Variants in RFTN1 observed in about 807,000 individuals in gnomAD.
RFTN1 encodes the protein raftlin, lipid raft linker 1.
RFTN1 carries 26 observed loss-of-function variants against 46.5 expected under a neutral mutation model. That is an observed-to-expected ratio of 0.56 (90% confidence interval 0.41 to 0.78). RFTN1 has a LOEUF of 0.78. RFTN1 is among the 30% of genes least tolerant of loss of function. The pLI is 0.00. For synonymous variants in RFTN1, 261 were observed against 284.2 expected (o/e 0.92, Z 0.82); for missense variants, 693 against 718.7 (o/e 0.96, Z 0.41).
intron 2 of RFTN1, among the ~76,000 whole-genome samples, chr3:16,454,125 A>G (rs1203970653): frequency 6.6e-6 from 1 of 152,212 alleles, no homozygotes; most frequent in Non-Finnish European, 1.5e-5. Context: ...AGGTCTCCTT[A>G]GTCACCTTCT....
intron 2 of RFTN1, among the ~76,000 whole-genome samples, chr3:16,470,326 A>G (rs915211367): frequency 2.0e-5 from 3 of 152,226 alleles, no homozygotes; most frequent in African/African-American, 2.4e-5. Context: ...AGGCAGGCAG[A>G]TACTGGAGGG....
chr3:16,403,143 A>G (rs2074646385), intron 4 of RFTN1, among the ~76,000 whole-genome samples: 1 of 152,128 alleles, frequency 6.6e-6, no homozygotes, highest in Non-Finnish European at 1.5e-5. Context: ...CATGTACCCA[A>G]CACGCGTTAT....
At position 16,373,329 on chromosome 3, in the gene RFTN1, T is replaced by C. The variant is rs373629960; in HGVS notation, c.827-3050A>G. Among the ~76,000 whole-genome samples the C allele has an allele frequency of 2.6e-5, 4 of 152,334 alleles. No homozygotes were observed. The East Asian group carries it at 5.8e-4, about 22-fold the overall frequency. ...CTTGCCTCATTTAGATCCCTCCTGT[T>C]ACACGTGTTCACCGTATTGACCTAA... On this transcript the variant is annotated intron_variant, in intron 5 of 9. Coordinates refer to ENST00000334133, the MANE Select transcript of RFTN1 (RefSeq NM_015150.2).
chr3:16,493,075 G>A (rs1034625692), intron 2 of RFTN1, among the ~76,000 whole-genome samples: 2 of 152,224 alleles, frequency 1.3e-5, no homozygotes, highest in African/African-American at 4.8e-5. Context: ...TTTGGGTGGA[G>A]AGGAAGTTTC....
chr3:16,493,596 A>C, intron 2 of RFTN1, 129 bp downstream of exon 2: 3 of 840,138 alleles, frequency 3.6e-6, no homozygotes, highest in African/African-American at 3.4e-5. Flanking sequence ...CGCCCCCTTG[A>C]GACAGGCCTG....
chr3:16,402,823 G>A lies in RFTN1; in HGVS notation c.441+6552C>T, dbSNP rs1303247708. ...TAATCCAGGACAGTACACTCATTGA[G>A]TGGGACCAGCCGCCCCTCAACGGTC... On this transcript the variant is annotated intron_variant, in intron 4 of 9. Transcript: ENST00000334133. This position sits in a 1 kb window ranked among gnomAD's most constrained non-coding sequence, Gnocchi z 4.5. 6.6e-6 allele frequency among the ~76,000 whole-genome samples: 1 copy of A among 152,150 alleles called. No homozygotes were observed. Among genetic ancestry groups the A allele is most frequent in the East Asian group, 1.9e-4 (1 of 5,188 alleles).
Position 16,316,754 on chromosome 3 carries a change from G to A in RFTN1, c.*74C>T. 1 of 1,573,062 alleles carries A rather than the reference G, an allele frequency of 6.4e-7. No individual in the cohort carries two copies. Among genetic ancestry groups the A allele is most frequent in the South Asian group, 1.1e-5 (1 of 89,506 alleles). On this transcript the variant is annotated 3_prime_UTR_variant, in exon 10 of 10. Coordinates refer to ENST00000334133, the MANE Select transcript of RFTN1 (RefSeq NM_015150.2). The surrounding 1 kb of genome is among the most constrained non-coding windows in gnomAD (Gnocchi z 4.5). ...GTAACACACAACACCAGGGAAACCAGCCCCCAAACCAGCTGTTGGTAAGAT... is the reference window on the plus strand; with the variant it reads ...GTAACACACAACACCAGGGAAACCAACCCCCAAACCAGCTGTTGGTAAGAT...
At chr3:16,375,164 A>C (rs1342140503) in intron 5 of RFTN1, among the ~76,000 whole-genome samples, 1 of 152,086 alleles carries the variant, frequency 6.6e-6, no homozygotes, top group Non-Finnish European at 1.5e-5. Context: ...CTCTGAGAGA[A>C]GGCAAGCTGG....
chr3:16,415,915 A>T (rs2075070142), intron 3 of RFTN1, among the ~76,000 whole-genome samples: 1 of 152,206 alleles, frequency 6.6e-6, no homozygotes, highest in Admixed American at 6.5e-5. Context: ...TTATCTGTTT[A>T]TATGATTATC....
At chr3:16,369,076 C>G (rs532182818) in intron 6 of RFTN1, among the ~76,000 whole-genome samples, 1 of 152,204 alleles carries the variant, frequency 6.6e-6, no homozygotes. Context: ...GATAGAGACT[C>G]GCATCCAAAA....
chr3:16,357,108 C>T (rs2072486139), intron 7 of RFTN1, among the ~76,000 whole-genome samples: 1 of 103,214 alleles, frequency 9.7e-6, no homozygotes, highest in Non-Finnish European at 2.1e-5. Flanking sequence ...GAGCAAGATG[C>T]CATCTCAAAA....
chr3:16,435,799 T>C lies in RFTN1; in HGVS notation c.146-1762A>G, dbSNP rs556981880. On this transcript the variant is annotated intron_variant, in intron 2 of 9. Transcript: ENST00000334133. ...ACAAAATAAATTCCTAGATGTGGAA[T>C]TGCTGGGTTAAAAATATATGCATTG... Among the ~76,000 whole-genome samples, 5 of 152,148 alleles carry C rather than the reference T, an allele frequency of 3.3e-5. No homozygotes were observed. The South Asian group carries it at 8.3e-4, about 25-fold the overall frequency.
Position 16,504,281 on chromosome 3 carries a change from A to G in RFTN1, c.-9+9161T>C, listed in dbSNP as rs2076764204. Among the ~76,000 whole-genome samples, 1 of 152,200 alleles carries G rather than the reference A, an allele frequency of 6.6e-6. No individual in the cohort carries two copies. The highest frequency in any genetic ancestry group is 1.5e-5 in the Non-Finnish European group (1 of 68,040). On this transcript the variant is annotated intron_variant, in intron 1 of 9. Transcript: ENST00000334133. The surrounding 1 kb of genome is among the most constrained non-coding windows in gnomAD (Gnocchi z 4.4). ...TTTCTTTCATTCTTAACTAACCACAATTACTTGCTAATGGGATGTGTGCAT... is the reference window on the plus strand; with the variant it reads ...TTTCTTTCATTCTTAACTAACCACAGTTACTTGCTAATGGGATGTGTGCAT...
chr3:16,413,666 G>GC lies in RFTN1; in HGVS notation c.333-4184dup, dbSNP rs370136748. Among the ~76,000 whole-genome samples, 2 of 152,098 alleles carry GC rather than the reference G, an allele frequency of 1.3e-5. No individual in the cohort carries two copies. The highest frequency in any genetic ancestry group is 2.1e-4 in the South Asian group (1 of 4,782). ...TACACAGGGTTAACTAACAGCAAAA[G>GC]CCCCCCCAACCTACTTTATCTGGAA... On this transcript the variant is annotated intron_variant, in intron 3 of 9. Transcript: ENST00000334133. The surrounding 1 kb of genome is among the most constrained non-coding windows in gnomAD (Gnocchi z 4.7).
chr3:16,439,020 A>G (rs1280448146), intron 2 of RFTN1, among the ~76,000 whole-genome samples: 1 of 152,236 alleles, frequency 6.6e-6, no homozygotes, highest in Non-Finnish European at 1.5e-5. Context: ...AAATCTAAAG[A>G]TGTATCTCCT....
Position 16,351,684 on chromosome 3 carries a change from A to T in RFTN1, c.1146+6248T>A, listed in dbSNP as rs1476479685. On this transcript the variant is annotated intron_variant, in intron 7 of 9. Transcript: ENST00000334133. This position sits in a 1 kb window ranked among gnomAD's most constrained non-coding sequence, Gnocchi z 5.4. ...ACTGAGCACTTCAGGGGTAAGCTGT[A>T]TATAAGTTAGACCCATTATCCTAAT... 6.6e-6 allele frequency among the ~76,000 whole-genome samples: 1 copy of T among 152,246 alleles called. No homozygotes were observed. Among genetic ancestry groups the T allele is most frequent in the Non-Finnish European group, 1.5e-5 (1 of 68,044 alleles).
chr3:16,488,980 A>T (rs906439083), intron 2 of RFTN1, among the ~76,000 whole-genome samples: 7 of 152,268 alleles, frequency 4.6e-5, no homozygotes, highest in African/African-American at 1.4e-4. Context: ...CAAACAACAG[A>T]ATACTACTCA....
At chr3:16,415,321 G>C (rs531582114) in intron 3 of RFTN1, among the ~76,000 whole-genome samples, 2 of 151,360 alleles carry the variant, frequency 1.3e-5, no homozygotes, top group South Asian at 4.2e-4. Flanking sequence ...ACAGGCTTAG[G>C]GGGGAAGAAA....
At position 16,376,197 on chromosome 3, in the gene RFTN1, G is replaced by C. The variant is rs1344294644; in HGVS notation, c.826+1521C>G. On this transcript the variant is annotated intron_variant, in intron 5 of 9. Transcript: ENST00000334133. The surrounding 1 kb of genome is among the most constrained non-coding windows in gnomAD (Gnocchi z 4.7). ...CTGAGCCTGTACCCCAATAATAGCAGCTCATACTCATGAGTCAAACAGTGC... is the reference window on the plus strand; with the variant it reads ...CTGAGCCTGTACCCCAATAATAGCACCTCATACTCATGAGTCAAACAGTGC... Among the ~76,000 whole-genome samples, 1 of 152,154 alleles carries C rather than the reference G, an allele frequency of 6.6e-6. No individual in the cohort carries two copies. Among genetic ancestry groups the C allele is most frequent in the Non-Finnish European group, 1.5e-5 (1 of 68,014 alleles).
Sources: gnomAD v4.1 joint callset for allele counts (sites outside exome capture counted in the v4.1 genomes callset) on GRCh38, gnomAD v4.1.1 for gene constraint, Gnocchi (gnomAD v3.1) non-coding constraint, MANE v1.5 for transcripts, NCBI Gene and HGNC (gene_info 2026-07-23, HGNC 2026-07-21) for gene names.